Variants in TMEM108 observed in about 807,000 individuals in gnomAD.
TMEM108 encodes the protein transmembrane protein 108.
In TMEM108, 12 loss-of-function variants were observed where a neutral mutation model predicts 35.1. The observed-to-expected ratio is 0.34, with a 90% CI of 0.22 to 0.55. The LOEUF (loss-of-function observed/expected upper bound fraction) is 0.55. Ranked by LOEUF, TMEM108 falls within the 20% of genes least tolerant of loss-of-function variation. The probability of loss-of-function intolerance (pLI) is 0.89; values close to 1 mark genes in which losing one functional copy is unlikely to be tolerated. For synonymous variants in TMEM108, 287 were observed against 308.6 expected (o/e 0.93, Z 0.73); for missense variants, 680 against 753.3 (o/e 0.90, Z 1.14).
chr3:133,243,610 T>C (rs1946343634), intron 3 of TMEM108, among the ~76,000 whole-genome samples: 2 of 152,084 alleles, frequency 1.3e-5, no homozygotes, highest in South Asian at 4.2e-4. Context: ...AAGCTCCGCC[T>C]CCTGGGTTCA....
In TMEM108 at chr3:133,211,366, T is replaced by C. The variant is rs992066001; in HGVS notation, c.-46-17900T>C. On this transcript the variant is annotated intron_variant, in intron 2 of 5. Coordinates refer to ENST00000321871, the MANE Select transcript of TMEM108 (RefSeq NM_023943.4). ...TCCCTGAATTCAATTTCTGAAGATATTTTTCAGGCATTGCAAAAGAAAAAA... is the reference window on the plus strand; with the variant it reads ...TCCCTGAATTCAATTTCTGAAGATACTTTTCAGGCATTGCAAAAGAAAAAA... Among the ~76,000 whole-genome samples, 4 of 152,318 alleles carry C rather than the reference T, an allele frequency of 2.6e-5. No homozygotes were observed. In the South Asian group the frequency reaches 8.3e-4, roughly 32 times the overall value.
At position 133,321,108 on chromosome 3, in the gene TMEM108, C is replaced by CA. The variant is rs974880262; in HGVS notation, c.41-58637dup. ...TCACAGGGCCCATAAAACAATAACA[C>CA]AAAAAAACAAGGCATTCAGACAACA... On this transcript the variant is annotated intron_variant, in intron 3 of 5. Coordinates refer to ENST00000321871, the MANE Select transcript of TMEM108 (RefSeq NM_023943.4). Among the ~76,000 whole-genome samples, 5 of 151,856 alleles carry CA rather than the reference C, an allele frequency of 3.3e-5. No individual in the cohort carries two copies. The East Asian group carries it at 7.7e-4, about 23-fold the overall frequency.
At chr3:133,233,039 T>C (rs1005622782) in intron 3 of TMEM108, among the ~76,000 whole-genome samples, 1 of 151,750 alleles carries the variant, frequency 6.6e-6, no homozygotes, top group Non-Finnish European at 1.5e-5. Flanking sequence ...TTTTTTTTTT[T>C]TAATTTTATT....
intron 2 of TMEM108, among the ~76,000 whole-genome samples, chr3:133,107,905 A>T (rs1350257562): frequency 6.6e-6 from 1 of 152,226 alleles, no homozygotes; most frequent in African/African-American, 2.4e-5. Context: ...GATTTTGCTT[A>T]AACCTTGTAA....
intron 2 of TMEM108, among the ~76,000 whole-genome samples, chr3:133,137,996 C>G (rs932752309): frequency 2.0e-5 from 3 of 152,084 alleles, no homozygotes; most frequent in East Asian, 1.9e-4. Context: ...GAATGGATAG[C>G]CTTTTGTTAT....
At chr3:133,152,473 G>T (rs993366856) in intron 2 of TMEM108, among the ~76,000 whole-genome samples, 2 of 152,110 alleles carry the variant, frequency 1.3e-5, no homozygotes, top group Non-Finnish European at 2.9e-5. Flanking sequence ...TGGAAAGAAA[G>T]AATAAAAACA....
intron 2 of TMEM108, among the ~76,000 whole-genome samples, chr3:133,181,043 A>C (rs867770172): frequency 1.1e-4 from 15 of 142,760 alleles, no homozygotes; most frequent in South Asian, 2.2e-4. Flanking sequence ...AAAAAACAGC[A>C]CTCCCAAAGC....
intron 2 of TMEM108, among the ~76,000 whole-genome samples, chr3:133,064,556 GA>G (rs1447649345): frequency 2.0e-5 from 3 of 152,112 alleles, no homozygotes; most frequent in African/African-American, 7.2e-5. Flanking sequence ...ATATTGTACA[GA>G]AATGTGATTT....
At chr3:133,062,881 A>G (rs62293064) in intron 2 of TMEM108, among the ~76,000 whole-genome samples, 13,741 of 152,222 alleles carry the variant, frequency 0.09, 650 homozygotes, top group East Asian at 0.17. Context: ...GAACGAGGCC[A>G]TGTTTTTGCC....
intron 3 of TMEM108, among the ~76,000 whole-genome samples, chr3:133,373,124 T>C (rs1259189778): frequency 6.6e-6 from 1 of 152,126 alleles, no homozygotes; most frequent in African/African-American, 2.4e-5. Context: ...CCCAAAATTC[T>C]GAGAGGCCAA....
intron 3 of TMEM108, among the ~76,000 whole-genome samples, chr3:133,329,977 A>G (rs1198369139): frequency 6.6e-6 from 1 of 152,190 alleles, no homozygotes; most frequent in Non-Finnish European, 1.5e-5. Context: ...TCTCCAAGGA[A>G]TGAGTTTCCA....
chr3:133,087,352 C>A (rs948114236), intron 2 of TMEM108, among the ~76,000 whole-genome samples: 6 of 152,182 alleles, frequency 3.9e-5, no homozygotes, highest in African/African-American at 1.4e-4. Context: ...CAGGATAAAT[C>A]TTCTGGAACT....
intron 3 of TMEM108, among the ~76,000 whole-genome samples, chr3:133,345,949 C>T (rs966488689): frequency 6.6e-6 from 1 of 151,940 alleles, no homozygotes; most frequent in African/African-American, 2.4e-5. Flanking sequence ...TCTTCCACGT[C>T]TTTTTGTGCT....
intron 2 of TMEM108, among the ~76,000 whole-genome samples, chr3:133,225,714 G>A (rs937839099): frequency 6.6e-6 from 1 of 150,972 alleles, no homozygotes; most frequent in African/African-American, 2.4e-5. Flanking sequence ...GCAATCTCAA[G>A]TAACAAGTCT....
intron 2 of TMEM108, among the ~76,000 whole-genome samples, chr3:133,209,572 C>T (rs1945806844): frequency 6.6e-6 from 1 of 152,060 alleles, no homozygotes; most frequent in African/African-American, 2.4e-5. Context: ...TCAGTATTTT[C>T]CAAAATGGAT....
Position 133,173,808 on chromosome 3 carries a change from C to T in TMEM108, c.-46-55458C>T, listed in dbSNP as rs1030799632. ...GATTTCTGCATATCCAACTGAGGTA[C>T]CGGGTTCATCTCACTGGGGAGTGCT... is the stretch of plus-strand genomic sequence containing the variant. On this transcript the variant is annotated intron_variant, in intron 2 of 5. Transcript: ENST00000321871. 8.5e-5 allele frequency among the ~76,000 whole-genome samples: 13 copies of T among 152,160 alleles called. 1 individual carries two copies. The South Asian group carries it at 2.7e-3, about 32-fold the overall frequency.
At chr3:133,225,987 T>A (rs1946064646) in intron 2 of TMEM108, among the ~76,000 whole-genome samples, 1 of 152,218 alleles carries the variant, frequency 6.6e-6, no homozygotes, top group African/African-American at 2.4e-5. Flanking sequence ...CCTCGTTTTA[T>A]AAGTTTTATA....
intron 2 of TMEM108, chr3:133,121,015 C>G (rs1200090092): frequency 6.6e-6 from 1 of 152,218 alleles, no homozygotes; most frequent in Non-Finnish European, 1.5e-5. Context: ...CTCATTTGAT[C>G]TGATACATCC....
chr3:133,136,596 G>C (rs1184424278), intron 2 of TMEM108, among the ~76,000 whole-genome samples: 1 of 152,094 alleles, frequency 6.6e-6, no homozygotes, highest in Non-Finnish European at 1.5e-5. Context: ...TTCCCACCAG[G>C]GTGTGAAGTA....
Sources: gnomAD v4.1 joint callset for allele counts (sites outside exome capture counted in the v4.1 genomes callset) on GRCh38, gnomAD v4.1.1 for gene constraint, MANE v1.5 for transcripts, NCBI Gene and HGNC (gene_info 2026-07-23, HGNC 2026-07-21) for gene names.